Variants in BAZ2B observed in about 807,000 individuals in gnomAD.
The protein encoded by BAZ2B is bromodomain adjacent to zinc finger domain protein 2B.
A neutral mutation model predicts 246.0 loss-of-function variants in BAZ2B; 91 were observed. That is an observed-to-expected ratio of 0.37 (90% confidence interval 0.31 to 0.44). BAZ2B has a LOEUF of 0.44. Ranked by LOEUF, BAZ2B falls within the 20% of genes least tolerant of loss-of-function variation. The probability of loss-of-function intolerance (pLI) is 1.00; values close to 1 mark genes in which losing one functional copy is unlikely to be tolerated. For missense variants in BAZ2B, 2,332 were observed against 2,533.7 expected (o/e 0.92, Z 1.71); for synonymous variants, 855 against 860.0 (o/e 0.99, Z 0.10).
chr2:159,493,467 G>A (rs1222491651), intron 2 of BAZ2B, among the ~76,000 whole-genome samples: 2 of 152,108 alleles, frequency 1.3e-5, no homozygotes, highest in East Asian at 3.9e-4. Flanking sequence ...GGCAGCTTTA[G>A]GGCAGATACT....
chr2:159,397,492 G>T, intron 18 of BAZ2B, 103 bp from the exon 19 acceptor site: 7 of 666,926 alleles, frequency 1.0e-5, no homozygotes, highest in Admixed American at 3.6e-5. Flanking sequence ...TTTTCATTAG[G>T]TTGAACCATA....
chr2:159,702,590 G>T, the BAZ2B span, among the ~76,000 whole-genome samples: 3 of 152,018 alleles, frequency 2.0e-5, no homozygotes, highest in African/African-American at 7.2e-5. Context: ...AAAGCATTTG[G>T]TTATTAACAC....
Position 159,398,846 on chromosome 2 carries a change from C to T in BAZ2B, c.2947G>A (p.Ala983Thr). Residue 983 changes from alanine to threonine, a missense_variant, in exon 18 of 37, where the codon GCC becomes ACC. By Grantham distance (58) the Ala-to-Thr change is moderately conservative. Transcript: ENST00000392783. Reference protein sequence around the residue: ...EEAANAKLLEAEKRIKEKEMR... With the variant: ...EEAANAKLLETEKRIKEKEMR... ...AAACTAACCTTTATTCGTTTCTCGG[C>T]CTCCAATAATTTGGCATTTGCCGCT... 2 of 1,610,502 alleles carry T rather than the reference C, an allele frequency of 1.2e-6. No homozygotes were observed. Among genetic ancestry groups the T allele is most frequent in the Non-Finnish European group, 1.7e-6 (2 of 1,179,260 alleles).
chr2:159,573,056 G>C (rs1684410630), intron 1 of BAZ2B, among the ~76,000 whole-genome samples: 1 of 152,162 alleles, frequency 6.6e-6, no homozygotes, highest in Admixed American at 6.6e-5. Context: ...AAACGAGATA[G>C]TTTTCTAGAA....
intron 2 of BAZ2B, among the ~76,000 whole-genome samples, chr2:159,535,413 T>G (rs2085856170): frequency 6.6e-6 from 1 of 152,158 alleles, no homozygotes; most frequent in Admixed American, 6.5e-5. Flanking sequence ...TCCCAGCTAC[T>G]GGGGAGTCTG....
chr2:159,397,056 A>G, intron 19 of BAZ2B: 1 of 1,381,100 alleles, frequency 7.2e-7, no homozygotes, highest in Non-Finnish European at 9.6e-7. Flanking sequence ...AGATGTACAA[A>G]AATAAACATA....
intron 1 of BAZ2B, among the ~76,000 whole-genome samples, chr2:159,568,667 C>T (rs34026436): frequency 0.065 from 9,934 of 152,176 alleles, 421 homozygotes; most frequent in Middle Eastern, 0.19. Flanking sequence ...CTGAATTACT[C>T]TGGACTGAAC....
intron 2 of BAZ2B, among the ~76,000 whole-genome samples, chr2:159,489,558 T>G (rs1307198232): frequency 5.3e-5 from 8 of 152,102 alleles, no homozygotes. Context: ...AACCTAAAGA[T>G]TCAAGAAGAT....
At chr2:159,383,479 T>C in intron 24 of BAZ2B, 127 bp downstream of exon 24, 1 of 825,100 alleles carries the variant, frequency 1.2e-6, no homozygotes, top group Non-Finnish European at 1.9e-6. Flanking sequence ...TTATATCCCA[T>C]CTAAATTGAG....
chr2:159,511,597 A>T (rs974800633), intron 2 of BAZ2B, among the ~76,000 whole-genome samples: 1 of 152,084 alleles, frequency 6.6e-6, no homozygotes. Context: ...TTGAACAGAA[A>T]TTTTTTTCTG....
intron 34 of BAZ2B, among the ~76,000 whole-genome samples, chr2:159,328,740 A>ATG (rs1004295691): frequency 6.6e-6 from 1 of 152,000 alleles, no homozygotes; most frequent in Non-Finnish European, 1.5e-5. Flanking sequence ...TTGTGTGTGT[A>ATG]TGTGTGTGTG....
intron 21 of BAZ2B, 151 bp from the exon 22 acceptor site, chr2:159,386,758 G>A (rs2062701020): frequency 4.5e-6 from 4 of 887,280 alleles, no homozygotes; most frequent in Non-Finnish European, 6.6e-6. Flanking sequence ...ATTCTCTGGG[G>A]GCATTTCTGT....
intron 16 of BAZ2B, among the ~76,000 whole-genome samples, chr2:159,403,262 A>C (rs1012253000): frequency 3.3e-5 from 5 of 152,314 alleles, no homozygotes; most frequent in African/African-American, 1.2e-4. Flanking sequence ...CAAATAAATG[A>C]GATGGTATTC....
At chr2:159,405,298 G>A (rs1410768590) in intron 14 of BAZ2B, among the ~76,000 whole-genome samples, 184 bp from the exon 15 acceptor site, 1 of 151,930 alleles carries the variant, frequency 6.6e-6, no homozygotes, top group Admixed American at 6.6e-5. Context: ...TGCAATCTCC[G>A]CCTCCCAGGT....
intron 1 of BAZ2B, among the ~76,000 whole-genome samples, chr2:159,595,084 A>C (rs1309331275): frequency 6.6e-6 from 1 of 151,628 alleles, no homozygotes; most frequent in Non-Finnish European, 1.5e-5. Context: ...AACATTGATT[A>C]CTATGCATCC....
intron 1 of BAZ2B, among the ~76,000 whole-genome samples, chr2:159,569,032 G>GC (rs35861165): frequency 0.55 from 83,834 of 151,854 alleles, 23,888 homozygotes; most frequent in East Asian, 0.73. Context: ...TGCACTGGCA[G>GC]CATTTACTAA....
chr2:159,570,880 G>T (rs10199805), intron 1 of BAZ2B, among the ~76,000 whole-genome samples: 83,318 of 151,702 alleles, frequency 0.55, 23,574 homozygotes, highest in East Asian at 0.74. Context: ...TTGAGATGGA[G>T]ACTCACTCTG....
At chr2:159,646,013 A>T in the BAZ2B span, among the ~76,000 whole-genome samples, 7 of 152,150 alleles carry the variant, frequency 4.6e-5, no homozygotes, top group Non-Finnish European at 8.8e-5. Flanking sequence ...TTACCAGGAG[A>T]CAAGGTTTGA....
the BAZ2B span, among the ~76,000 whole-genome samples, chr2:159,658,979 C>T: frequency 6.6e-6 from 1 of 152,104 alleles, no homozygotes; most frequent in Non-Finnish European, 1.5e-5. Flanking sequence ...TGCACCTATA[C>T]TCATGAGAGA....
Sources: allele counts gnomAD v4.1 joint callset (sites outside exome capture counted in the v4.1 genomes callset), GRCh38; gene constraint gnomAD v4.1.1; transcripts MANE v1.5; gene names NCBI Gene and HGNC (gene_info 2026-07-23, HGNC 2026-07-21).